The following APBB2 variants were observed in gnomAD, a reference collection of about 807,000 sequenced individuals.
APBB2 encodes the protein amyloid beta precursor protein binding family B member 2.
In APBB2, 38 loss-of-function variants were observed where a neutral mutation model predicts 82.5. That is an observed-to-expected ratio of 0.46 (90% CI 0.36 to 0.60). APBB2 has a LOEUF of 0.60. Ranked by LOEUF, APBB2 falls within the 20% of genes least tolerant of loss-of-function variation. APBB2 has a pLI of 0.00. For missense variants in APBB2, 772 were observed against 972.3 expected (o/e 0.79, Z 2.74); for synonymous variants, 341 against 368.2 (o/e 0.93, Z 0.85).
intron 2 of APBB2, among the ~76,000 whole-genome samples, chr4:41,129,641 T>C (rs1030860950): frequency 6.6e-6 from 1 of 152,204 alleles, no homozygotes. Flanking sequence ...GTGTCTGACA[T>C]GTGGTATATC....
chr4:41,054,391 T>C (rs1579607675), intron 4 of APBB2, among the ~76,000 whole-genome samples: 1 of 152,284 alleles, frequency 6.6e-6, no homozygotes, highest in East Asian at 1.9e-4. Flanking sequence ...GACTGGTATA[T>C]TGGCTTAATC....
At chr4:41,003,556 T>C (rs1232127587) in intron 6 of APBB2, among the ~76,000 whole-genome samples, 1 of 152,162 alleles carries the variant, frequency 6.6e-6, no homozygotes, top group Non-Finnish European at 1.5e-5. Context: ...CCAAATCAAA[T>C]GACTTGTGTC....
chr4:41,031,687 C>CA (rs1222565515), intron 5 of APBB2, among the ~76,000 whole-genome samples: 1 of 151,996 alleles, frequency 6.6e-6, no homozygotes, highest in East Asian at 1.9e-4. Flanking sequence ...TATACACTTG[C>CA]CAGCTTTATT....
chr4:41,047,212 T>A (rs1002775962), intron 4 of APBB2, among the ~76,000 whole-genome samples: 11 of 152,244 alleles, frequency 7.2e-5, no homozygotes, highest in Admixed American at 6.5e-4. Flanking sequence ...ACTCCAACTG[T>A]AAGGTACTCG....
Position 40,907,684 on chromosome 4 carries a change from T to G in APBB2, c.1255-14273A>C, listed in dbSNP as rs1777405657. ...CTGTGCCTGACCCTTTTTTTTTTTTTTTTTTTTTGAGACAGGGTCTTGCTC... is the reference window on the plus strand; with the variant it reads ...CTGTGCCTGACCCTTTTTTTTTTTTGTTTTTTTTGAGACAGGGTCTTGCTC... On this transcript the variant is annotated intron_variant, in intron 10 of 17. Coordinates refer to ENST00000508593, the MANE Select transcript of APBB2 (RefSeq NM_004307.2). Among the ~76,000 whole-genome samples the G allele has an allele frequency of 5.5e-5, 8 of 146,594 alleles. No homozygotes were observed. The Admixed American group carries it at 5.5e-4, about 10-fold the overall frequency.
intron 2 of APBB2, among the ~76,000 whole-genome samples, chr4:41,119,559 T>C (rs1007408159): frequency 4.6e-5 from 7 of 151,738 alleles, no homozygotes; most frequent in South Asian, 2.1e-4. Context: ...AATTTTTTTT[T>C]CCTTAAAAAT....
chr4:41,137,620 A>G (rs1757940007), intron 2 of APBB2, among the ~76,000 whole-genome samples: 1 of 152,168 alleles, frequency 6.6e-6, no homozygotes, highest in Non-Finnish European at 1.5e-5. Flanking sequence ...TCATAGAAAA[A>G]TTGCATTGCA....
chr4:40,990,293 C>CT (rs34216190), intron 6 of APBB2: 58,620 of 150,610 alleles, frequency 0.39, 11,394 homozygotes, highest in Middle Eastern at 0.47. Flanking sequence ...TCTTCTCTCT[C>CT]CCTCTCTCTT....
At chr4:40,989,370 GGAGCAA>G (rs1424034059) in intron 6 of APBB2, among the ~76,000 whole-genome samples, 1 of 151,934 alleles carries the variant, frequency 6.6e-6, no homozygotes, top group Non-Finnish European at 1.5e-5. Context: ...TCATTTCCTG[GGAGCAA>G]AACCAAAATC....
At chr4:41,155,970 A>G (rs1467952096) in intron 1 of APBB2, among the ~76,000 whole-genome samples, 1 of 151,956 alleles carries the variant, frequency 6.6e-6, no homozygotes, top group Non-Finnish European at 1.5e-5. Flanking sequence ...CGGGGCATCT[A>G]TAATGGCTGA....
At chr4:40,898,330 G>A (rs563162600) in intron 10 of APBB2, among the ~76,000 whole-genome samples, 96 of 152,210 alleles carry the variant, frequency 6.3e-4, no homozygotes, top group African/African-American at 2.2e-3. Flanking sequence ...GTGGCGTGGC[G>A]TCAGCTCACT....
chr4:40,937,749 C>T (rs1578578861), intron 7 of APBB2, among the ~76,000 whole-genome samples: 1 of 152,064 alleles, frequency 6.6e-6, no homozygotes, highest in Non-Finnish European at 1.5e-5. Context: ...CATAATTTTT[C>T]TTTTTTAAAA....
chr4:40,902,661 G>C (rs112179915), intron 10 of APBB2, among the ~76,000 whole-genome samples: 5,853 of 152,244 alleles, frequency 0.038, 363 homozygotes, highest in African/African-American at 0.13. Flanking sequence ...AGCCTCCCAA[G>C]TGGCTGGGAC....
chr4:40,946,574 T>C (rs997429981), intron 6 of APBB2, among the ~76,000 whole-genome samples: 1 of 151,536 alleles, frequency 6.6e-6, no homozygotes, highest in Admixed American at 6.6e-5. Flanking sequence ...GACTAGGAAA[T>C]GGGTAACAGT....
intron 4 of APBB2, among the ~76,000 whole-genome samples, chr4:41,051,749 C>G (rs978713028): frequency 2.0e-5 from 3 of 152,190 alleles, no homozygotes; most frequent in African/African-American, 7.2e-5. Flanking sequence ...AGCTGCCTTC[C>G]TAAGAGCATC....
chr4:41,054,566 G>A (rs1727170054), intron 4 of APBB2, among the ~76,000 whole-genome samples: 1 of 152,152 alleles, frequency 6.6e-6, no homozygotes, highest in Admixed American at 6.5e-5. Context: ...AGGGTTTTCT[G>A]CTGCCAATAT....
At chr4:40,996,502 T>TA (rs1413830879) in intron 6 of APBB2, among the ~76,000 whole-genome samples, 1 of 152,176 alleles carries the variant, frequency 6.6e-6, no homozygotes, top group Non-Finnish European at 1.5e-5. Context: ...GACTTCTCCC[T>TA]AAAAACGACA....
intron 12 of APBB2, chr4:40,881,528 C>CTTTTCTTTTTTTTTTTTTTTTTTTTTTT: frequency 6.5e-6 from 1 of 154,430 alleles, no homozygotes; most frequent in Non-Finnish European, 1.0e-5. Flanking sequence ...CTTTTCTTTT[C>CTTTTCTTTTTTTTTTTTTTTTTTTTTTT]TTTTTCTTTT....
chr4:41,102,005 CA>C (rs1745633572), intron 2 of APBB2, among the ~76,000 whole-genome samples: 1 of 151,052 alleles, frequency 6.6e-6, no homozygotes, highest in South Asian at 2.1e-4. Context: ...ACTTCCCCAA[CA>C]ATCGTGCAAA....
Sources: gnomAD v4.1 joint callset for allele counts (sites outside exome capture counted in the v4.1 genomes callset) on GRCh38, gnomAD v4.1.1 for gene constraint, MANE v1.5 for transcripts, NCBI Gene and HGNC (gene_info 2026-07-23, HGNC 2026-07-21) for gene names.